Variants in ROR1 observed in about 807,000 individuals in gnomAD.
ROR1 encodes the protein ROR family WNT receptor 1.
A neutral mutation model predicts 78.8 loss-of-function variants in ROR1; 19 were observed. The ratio of observed to expected loss-of-function variants is 0.24; its 90% CI spans 0.17 to 0.35. The LOEUF (loss-of-function observed/expected upper bound fraction) is 0.35. Ranked by LOEUF, ROR1 falls within the 10% of genes least tolerant of loss-of-function variation. The probability of loss-of-function intolerance (pLI) is 1.00; values close to 1 mark genes in which losing one functional copy is unlikely to be tolerated. For synonymous variants in ROR1, 386 were observed against 433.6 expected, an observed-to-expected ratio of 0.89 and a Z score of 1.36; for missense variants, 917 against 1,177.8, an observed-to-expected ratio of 0.78 and a Z score of 3.24.
At chr1:63,831,989 G>T (rs1301632332) in intron 1 of ROR1, among the ~76,000 whole-genome samples, 1 of 152,042 alleles carries the variant, frequency 6.6e-6, no homozygotes, top group Non-Finnish European at 1.5e-5. Flanking sequence ...CAAGTTTAAG[G>T]TTACACAGAT....
In ROR1 at chr1:64,024,005, CCT is replaced by C. The variant is rs1557614016; in HGVS notation, c.163+14638_163+14639del. Among the ~76,000 whole-genome samples the C allele has an allele frequency of 3.3e-5, 5 of 152,150 alleles. No individual in the cohort carries two copies. The South Asian group carries it at 8.3e-4, about 25-fold the overall frequency. ...GTTGGTTTAAAAGTGTGTGGCAGTTCCTCTCTCTCTTTCTCTCCTGTCACCTT... is the reference window on the plus strand; with the variant it reads ...GTTGGTTTAAAAGTGTGTGGCAGTTCCTCTCTCTTTCTCTCCTGTCACCTT... On this transcript the variant is annotated intron_variant, in intron 2 of 8. Coordinates refer to ENST00000371079, the MANE Select transcript of ROR1 (RefSeq NM_005012.4).
At chr1:63,996,133 T>C (rs1490722664) in intron 1 of ROR1, among the ~76,000 whole-genome samples, 1 of 152,174 alleles carries the variant, frequency 6.6e-6, no homozygotes, top group African/African-American at 2.4e-5. Context: ...GTGAGTAACG[T>C]AGAAGAAAGT....
chr1:64,076,917 G>A (rs1433398534), intron 4 of ROR1, among the ~76,000 whole-genome samples: 5 of 152,106 alleles, frequency 3.3e-5, no homozygotes, highest in Non-Finnish European at 7.4e-5. Context: ...AGTTAATTGA[G>A]ATTATTTTAA....
intron 1 of ROR1, among the ~76,000 whole-genome samples, chr1:63,923,290 G>C (rs1205196860): frequency 6.6e-6 from 1 of 152,124 alleles, no homozygotes; most frequent in Non-Finnish European, 1.5e-5. Flanking sequence ...TCTTGAAAAG[G>C]TGATTGACAC....
At chr1:64,148,934 T>C (rs1316038573) in intron 7 of ROR1, among the ~76,000 whole-genome samples, 1 of 152,222 alleles carries the variant, frequency 6.6e-6, no homozygotes, top group East Asian at 1.9e-4. Flanking sequence ...GTTGAGCTTC[T>C]ACTGTGTCTC....
intron 1 of ROR1, among the ~76,000 whole-genome samples, chr1:63,966,903 A>C (rs1433287098): frequency 1.3e-5 from 2 of 152,282 alleles, no homozygotes; most frequent in East Asian, 3.9e-4. Flanking sequence ...CCTTACTAGG[A>C]GGCCTTCACT....
At chr1:64,151,047 G>GT in intron 7 of ROR1, among the ~76,000 whole-genome samples, 1 of 152,234 alleles carries the variant, frequency 6.6e-6, no homozygotes, top group South Asian at 2.1e-4. Context: ...GTAACAAACT[G>GT]TTTTTTGGTT....
At chr1:63,986,004 T>G (rs572640038) in intron 1 of ROR1, among the ~76,000 whole-genome samples, 2 of 152,160 alleles carry the variant, frequency 1.3e-5, no homozygotes, top group African/African-American at 4.8e-5. Context: ...AATCATTTCT[T>G]GTTCACTGCC....
chr1:64,162,506 G>A (rs779243612), intron 8 of ROR1, among the ~76,000 whole-genome samples: 3 of 152,214 alleles, frequency 2.0e-5, no homozygotes, highest in Non-Finnish European at 4.4e-5. Flanking sequence ...GACCAGAGAG[G>A]CACCTTAACG....
Position 63,774,249 on chromosome 1 carries a change from A to C in ROR1, c.-169A>C, listed in dbSNP as rs913892528. ...GCGCTCGCGGCATCCAGAGGCGGCC[A>C]GGCGGAGGCGAGGGAGCAGGTTAGA... On this transcript the variant is annotated 5_prime_UTR_variant, in exon 1 of 9. Coordinates refer to ENST00000371079, the MANE Select transcript of ROR1 (RefSeq NM_005012.4). The surrounding 1 kb of genome is among the most constrained non-coding windows in gnomAD (Gnocchi z 5.7). The C allele has an allele frequency of 3.3e-6, 1 of 301,424 alleles. No homozygotes were observed. The highest frequency in any genetic ancestry group is 2.3e-5 in the African/African-American group (1 of 44,008). The allele number at this position is 301,424 out of a possible 1,614,324, so 18.7% of individuals were successfully genotyped here.
chr1:64,152,124 ATG>A (rs1248292461), intron 7 of ROR1, among the ~76,000 whole-genome samples: 1 of 152,180 alleles, frequency 6.6e-6, no homozygotes, highest in East Asian at 1.9e-4. Context: ...TTTTTTTTAA[ATG>A]TTGGCCACTG....
At chr1:64,023,247 C>T (rs1300817945) in intron 2 of ROR1, among the ~76,000 whole-genome samples, 1 of 152,134 alleles carries the variant, frequency 6.6e-6, no homozygotes, top group African/African-American at 2.4e-5. Flanking sequence ...CACTGTAGCC[C>T]ATCCCTCCAG....
chr1:64,087,040 T>C lies in ROR1; in HGVS notation c.482+36324T>C, dbSNP rs527767478. Among the ~76,000 whole-genome samples, 3 of 152,318 alleles carry C rather than the reference T, an allele frequency of 2.0e-5. No individual in the cohort carries two copies. In the East Asian group the frequency reaches 5.8e-4, roughly 29 times the overall value. ...TGAGCCTGAGCAGTGAGGGAATCTT[T>C]GCCCACCTGAAACATATAGAGAATA... On this transcript the variant is annotated intron_variant, in intron 4 of 8. Transcript: ENST00000371079.
chr1:63,902,019 T>C (rs1044537900), intron 1 of ROR1, among the ~76,000 whole-genome samples: 3 of 152,194 alleles, frequency 2.0e-5, no homozygotes, highest in Non-Finnish European at 1.5e-5. Flanking sequence ...TAAGGAAATA[T>C]CTTTTTTTAT....
At chr1:63,918,842 G>A (rs1040366579) in intron 1 of ROR1, among the ~76,000 whole-genome samples, 1 of 152,118 alleles carries the variant, frequency 6.6e-6, no homozygotes, top group East Asian at 1.9e-4. Flanking sequence ...AGTGTCCTGA[G>A]ACCTCATCTG....
chr1:63,977,121 A>G (rs1397970733), intron 1 of ROR1, among the ~76,000 whole-genome samples: 1 of 152,124 alleles, frequency 6.6e-6, no homozygotes, highest in Admixed American at 6.5e-5. Flanking sequence ...CTCACTCACT[A>G]TCACGAGAAC....
chr1:63,983,235 C>T (rs534087492), intron 1 of ROR1, among the ~76,000 whole-genome samples: 2 of 152,168 alleles, frequency 1.3e-5, no homozygotes, highest in African/African-American at 2.4e-5. Context: ...GATATGGAAA[C>T]GGAAGTCCGG....
chr1:64,032,817 T>G (rs1428395139), intron 2 of ROR1, among the ~76,000 whole-genome samples: 1 of 152,184 alleles, frequency 6.6e-6, no homozygotes, highest in Admixed American at 6.5e-5. Flanking sequence ...GTACTCAACT[T>G]TTAAAGTCAA....
At chr1:63,780,193 A>T (rs1330410997) in intron 1 of ROR1, among the ~76,000 whole-genome samples, 2 of 150,164 alleles carry the variant, frequency 1.3e-5, no homozygotes, top group Non-Finnish European at 3.0e-5. Flanking sequence ...TAAGAGAGAG[A>T]GGGGGACTAA....
Sources: gnomAD v4.1 joint callset for allele counts (sites outside exome capture counted in the v4.1 genomes callset) on GRCh38, gnomAD v4.1.1 for gene constraint, Gnocchi (gnomAD v3.1) non-coding constraint, MANE v1.5 for transcripts, NCBI Gene and HGNC (gene_info 2026-07-23, HGNC 2026-07-21) for gene names.